The following GABRB1 variants were observed in gnomAD, a reference collection of about 807,000 sequenced individuals.
GABRB1 encodes gamma-aminobutyric acid type A receptor subunit beta1.
In GABRB1, 17 loss-of-function variants were observed where a neutral mutation model predicts 51.6. The ratio of observed to expected loss-of-function variants is 0.33; its 90% CI spans 0.23 to 0.49. The LOEUF (loss-of-function observed/expected upper bound fraction) is 0.49, where lower values mean the gene tolerates loss of function less well. Ranked by LOEUF, GABRB1 falls within the 20% of genes least tolerant of loss-of-function variation. The pLI, the probability that GABRB1 is intolerant of heterozygous loss-of-function variation, is 0.99. For missense variants in GABRB1, 410 were observed against 600.6 expected, an observed-to-expected ratio of 0.68 and a Z score of 3.32; for synonymous variants, 247 against 218.9, an observed-to-expected ratio of 1.13 and a Z score of -1.14.
intron 3 of GABRB1, among the ~76,000 whole-genome samples, chr4:47,040,786 G>T (rs1725806333): frequency 6.6e-6 from 1 of 152,122 alleles, no homozygotes; most frequent in Admixed American, 6.6e-5. Flanking sequence ...GAGATAGGGA[G>T]AAAGGGTGCT....
intron 5 of GABRB1, among the ~76,000 whole-genome samples, chr4:47,331,526 T>C (rs1167829355): frequency 1.3e-5 from 2 of 152,134 alleles, no homozygotes; most frequent in African/African-American, 4.8e-5. Flanking sequence ...ATTTAGATTC[T>C]GGAAGTTTGT....
intron 4 of GABRB1, among the ~76,000 whole-genome samples, chr4:47,315,619 TG>T (rs35801012): frequency 9.2e-5 from 14 of 151,990 alleles, no homozygotes; most frequent in Non-Finnish European, 1.6e-4. Context: ...AGCAAGGGCA[TG>T]GAGTCAACCT....
intron 3 of GABRB1, among the ~76,000 whole-genome samples, chr4:47,054,656 A>G (rs1726510967): frequency 6.6e-6 from 1 of 151,628 alleles, no homozygotes; most frequent in South Asian, 2.1e-4. Flanking sequence ...GTCTCGGCTC[A>G]CTGCAATCTC....
upstream of GABRB1, among the ~76,000 whole-genome samples, chr4:47,028,681 A>G (rs2109460821): frequency 6.6e-6 from 1 of 151,198 alleles, no homozygotes; most frequent in Middle Eastern, 3.5e-3. Context: ...TTTGAACCTT[A>G]AAGTGTGGTA....
chr4:47,425,814 C>G lies in GABRB1; in HGVS notation c.1221C>G (p.Pro407=). 6.2e-7 allele frequency: 1 copy of G among 1,614,152 alleles called. No homozygotes were observed. The highest frequency in any genetic ancestry group is 8.5e-7 in the Non-Finnish European group (1 of 1,180,012). Residue 407 remains proline, a synonymous_variant, in exon 9 of 9, where the codon CCC becomes CCG. Coordinates refer to ENST00000295454, the MANE Select transcript of GABRB1 (RefSeq NM_000812.4). ...GCGCCAGCATCCAGTACCGCAAGCC[C>G]CTGAGCAGCCGCGAGGCCTACGGGC... ...YDSASIQYRK[P]LSSREAYGRA... is the part of the protein sequence containing the mutation.
chr4:47,351,001 T>G (rs755292132), intron 5 of GABRB1, among the ~76,000 whole-genome samples: 2 of 152,256 alleles, frequency 1.3e-5, no homozygotes, highest in Non-Finnish European at 2.9e-5. Context: ...AAAAGTTTCT[T>G]CCACATTTTA....
chr4:47,123,705 A>C (rs540858530), intron 3 of GABRB1, among the ~76,000 whole-genome samples: 3 of 16,360 alleles, frequency 1.8e-4, no homozygotes, highest in African/African-American at 6.0e-4. Flanking sequence ...TTATATATAT[A>C]ATATGATATA....
chr4:47,414,395 G>T (rs998843583), intron 8 of GABRB1, among the ~76,000 whole-genome samples: 1 of 152,206 alleles, frequency 6.6e-6, no homozygotes, highest in Admixed American at 6.5e-5. Flanking sequence ...TTGAAGCAGG[G>T]AAAGGTCTTC....
intron 4 of GABRB1, among the ~76,000 whole-genome samples, chr4:47,185,021 A>C (rs1271211042): frequency 6.6e-6 from 1 of 151,884 alleles, no homozygotes; most frequent in Non-Finnish European, 1.5e-5. Flanking sequence ...TCCCACAGCC[A>C]CATATATCGG....
intron 1 of GABRB1, among the ~76,000 whole-genome samples, chr4:47,000,753 T>C (rs1237697879): frequency 1.3e-5 from 2 of 152,304 alleles, no homozygotes; most frequent in Admixed American, 6.5e-5. Context: ...CCACATAACA[T>C]GATGATCTTG....
intron 3 of GABRB1, among the ~76,000 whole-genome samples, chr4:47,131,693 T>A (rs1364676980): frequency 6.6e-6 from 1 of 152,178 alleles, no homozygotes. Context: ...TGTTACGATA[T>A]GGTAAAAGAA....
intron 5 of GABRB1, among the ~76,000 whole-genome samples, chr4:47,363,505 A>C (rs1726876115): frequency 6.6e-6 from 1 of 152,210 alleles, no homozygotes; most frequent in Non-Finnish European, 1.5e-5. Flanking sequence ...CCCAGGGTTA[A>C]AAAGAGGGAG....
intron 4 of GABRB1, among the ~76,000 whole-genome samples, chr4:47,207,058 A>C (rs10017326): frequency 0.14 from 21,038 of 151,814 alleles, 1,914 homozygotes; most frequent in East Asian, 0.31. Flanking sequence ...TTCGAACCTA[A>C]GTCTTTCTTG....
intron 4 of GABRB1, among the ~76,000 whole-genome samples, chr4:47,277,148 C>G (rs941727981): frequency 1.3e-5 from 2 of 151,848 alleles, no homozygotes; most frequent in African/African-American, 4.8e-5. Flanking sequence ...GACTTGTAAC[C>G]AATAAAACAT....
intron 3 of GABRB1, among the ~76,000 whole-genome samples, chr4:47,045,221 A>G (rs796881758): frequency 3.3e-5 from 5 of 152,230 alleles, no homozygotes; most frequent in African/African-American, 9.6e-5. Flanking sequence ...CCCATGGACA[A>G]CAAGTGTAAA....
At position 47,031,570 on chromosome 4, in the gene GABRB1, C is replaced by G; in HGVS notation, c.-82C>G. On this transcript the variant is annotated 5_prime_UTR_variant, in exon 1 of 9. Coordinates refer to ENST00000295454, the MANE Select transcript of GABRB1 (RefSeq NM_000812.4). ...CGCTCTGCGCATGCGCAGGTCCATTCGGGAATTACTGCCCAGCAGCCGACT... is the reference window on the plus strand; with the variant it reads ...CGCTCTGCGCATGCGCAGGTCCATTGGGGAATTACTGCCCAGCAGCCGACT... 1 of 1,171,974 alleles carries G rather than the reference C, an allele frequency of 8.5e-7. No individual in the cohort carries two copies. Among genetic ancestry groups the G allele is most frequent in the Non-Finnish European group, 1.3e-6 (1 of 780,388 alleles). The allele number at this position is 1,171,974 out of a possible 1,614,324, so 72.6% of individuals were successfully genotyped here.
intron 3 of GABRB1, among the ~76,000 whole-genome samples, chr4:47,051,317 G>C (rs773860867): frequency 6.6e-5 from 10 of 152,146 alleles, no homozygotes; most frequent in Non-Finnish European, 1.2e-4. Context: ...AAAATTTTCT[G>C]CTTAAGAGTA....
At chr4:47,032,282 C>A (rs1055533833) in intron 2 of GABRB1, 135 bp from the exon 3 acceptor site, 2 of 858,856 alleles carry the variant, frequency 2.3e-6, no homozygotes, top group African/African-American at 1.7e-5. Context: ...CCCAGGCAGT[C>A]CCCTGAAAGG....
chr4:47,264,354 T>C (rs1033508188), intron 4 of GABRB1, among the ~76,000 whole-genome samples: 2 of 152,204 alleles, frequency 1.3e-5, no homozygotes, highest in Non-Finnish European at 2.9e-5. Context: ...GAATTTGGAC[T>C]CATGGCCCTA....
Sources: gnomAD v4.1 joint callset for allele counts (sites outside exome capture counted in the v4.1 genomes callset) on GRCh38, gnomAD v4.1.1 for gene constraint, MANE v1.5 for transcripts, NCBI Gene and HGNC (gene_info 2026-07-23, HGNC 2026-07-21) for gene names.